Variants in TCERG1 observed in about 807,000 individuals in gnomAD.
TCERG1 encodes transcription elongation regulator 1.
A neutral mutation model predicts 144.7 loss-of-function variants in TCERG1; 37 were observed. The ratio of observed to expected loss-of-function variants is 0.26; its 90% CI spans 0.20 to 0.34. The LOEUF (loss-of-function observed/expected upper bound fraction) is 0.34. Ranked by LOEUF, TCERG1 falls within the 10% of genes least tolerant of loss-of-function variation. The pLI is 1.00. For synonymous variants in TCERG1, 492 were observed against 458.2 expected, an observed-to-expected ratio of 1.07 and a Z score of -0.94; for missense variants, 1,027 against 1,380.7, an observed-to-expected ratio of 0.74 and a Z score of 4.06.
At chr5:146,496,776 T>TA (rs1317701788) in intron 16 of TCERG1, among the ~76,000 whole-genome samples, 1 of 151,854 alleles carries the variant, frequency 6.6e-6, no homozygotes, top group Non-Finnish European at 1.5e-5. Context: ...TTCCTGGGCT[T>TA]AAGCAGTCAT....
At position 146,459,036 on chromosome 5, in the gene TCERG1, T is replaced by TCAGGCC. The variant is rs1463986452; in HGVS notation, c.597_602dup (p.Ala241_Gln242dup). On this transcript the variant is annotated inframe_insertion, in exon 4 of 23. Coordinates refer to ENST00000679501, the MANE Select transcript of TCERG1 (RefSeq NM_001382548.1). ...CGCAGGCTCAGGCCCAGGCGCAGGCTCAGGCCCAGGCACAAGCTCAGGCCC... is the reference window on the plus strand; with the variant it reads ...CGCAGGCTCAGGCCCAGGCGCAGGCTCAGGCCCAGGCCCAGGCACAAGCTCAGGCCC... 6 of 1,608,114 alleles carry TCAGGCC rather than the reference T, an allele frequency of 3.7e-6. No individual in the cohort carries two copies. The highest frequency in any genetic ancestry group is 1.1e-5 in the South Asian group (1 of 90,728).
rs190777296 is a variant in TCERG1 at position 146,480,414 on chromosome 5, C to A, written c.1886+320C>A. The A allele has an allele frequency of 3.5e-3, 633 of 181,474 alleles. 2 individuals carry two copies. Among genetic ancestry groups the A allele is most frequent in the African/African-American group, 0.014 (602 of 41,976 alleles). 11.2% of individuals were successfully genotyped at this position (181,474 alleles called of 1,614,324 possible). ...CCCTCATTTAGACCCCAATGGATAC[C>A]ATTCCAGAGATCTCATAAAAACAGA... On this transcript the variant is annotated intron_variant, in intron 12 of 22. Transcript: ENST00000679501.
chr5:146,453,884 A>G (rs549048055), intron 1 of TCERG1, among the ~76,000 whole-genome samples: 1 of 152,188 alleles, frequency 6.6e-6, no homozygotes, highest in East Asian at 1.9e-4. Context: ...TCTGAAGAAT[A>G]CACATCCCCC....
chr5:146,457,139 G>T (rs367612364), intron 2 of TCERG1, 44 bp from the exon 3 acceptor site: 1 of 1,585,676 alleles, frequency 6.3e-7, no homozygotes. Flanking sequence ...TAATTTGGAG[G>T]AAAAGTAATT....
At chr5:146,488,467 T>C (rs986574220) in intron 15 of TCERG1, among the ~76,000 whole-genome samples, 4 of 151,992 alleles carry the variant, frequency 2.6e-5, no homozygotes, top group Non-Finnish European at 1.5e-5. Flanking sequence ...CCAATAAATA[T>C]ATGAAAAAAT....
intron 2 of TCERG1, among the ~76,000 whole-genome samples, chr5:146,455,578 G>A (rs1762753625): frequency 6.6e-6 from 1 of 152,120 alleles, no homozygotes; most frequent in Admixed American, 6.5e-5. Context: ...TTCTTTATGG[G>A]AAATGAAGTT....
intron 15 of TCERG1, among the ~76,000 whole-genome samples, chr5:146,489,445 T>C (rs908546082): frequency 3.9e-5 from 6 of 152,188 alleles, no homozygotes; most frequent in African/African-American, 1.4e-4. Context: ...ATTGACAGTA[T>C]TACAGTATGG....
At chr5:146,452,694 ATTC>A (rs374643467) in intron 1 of TCERG1, among the ~76,000 whole-genome samples, 12 of 152,286 alleles carry the variant, frequency 7.9e-5, no homozygotes, top group African/African-American at 2.6e-4. Context: ...GGCTCAAGCA[ATTC>A]TTCTGCTTCC....
chr5:146,463,350 A>G (rs1763503010), intron 4 of TCERG1, among the ~76,000 whole-genome samples: 1 of 152,080 alleles, frequency 6.6e-6, no homozygotes, highest in African/African-American at 2.4e-5. Context: ...CTATATGTTT[A>G]TCCCATTTTA....
rs1010730834 is a variant in TCERG1 at position 146,455,261 on chromosome 5, A to G, written c.265A>G (p.Met89Val). 7 of 1,614,014 alleles carry G rather than the reference A, an allele frequency of 4.3e-6. No individual in the cohort carries two copies. In the African/African-American group the frequency reaches 5.3e-5, roughly 12 times the overall value. Residue 89 changes from methionine (M) to valine (V), a missense_variant, in exon 2 of 23, where the codon ATG becomes GTG. Met to Val is a conservative substitution (Grantham distance 21). Coordinates refer to ENST00000679501, the MANE Select transcript of TCERG1 (RefSeq NM_001382548.1). ...TCCTCCAGGAGGGATACCTCCACCT[A>G]TGGGCCCTCCACACCTCCAGGTAAA... is the stretch of plus-strand genomic sequence containing the variant. The part of the protein sequence containing the change: ...MPPPGGIPPP[M>V]GPPHLQRPPF...
chr5:146,501,346 G>GAT (rs3839233), intron 17 of TCERG1, among the ~76,000 whole-genome samples: 48,778 of 151,900 alleles, frequency 0.32, 8,652 homozygotes, highest in East Asian at 0.83. Context: ...TTCTCATACT[G>GAT]ATAGCCTTAG....
chr5:146,491,869 T>A (rs1019073764), intron 15 of TCERG1, among the ~76,000 whole-genome samples: 1 of 152,238 alleles, frequency 6.6e-6, no homozygotes, highest in East Asian at 1.9e-4. Flanking sequence ...GGTATAAGCA[T>A]GGCTGTTCAG....
chr5:146,484,903 T>G (rs1414904669), intron 15 of TCERG1, among the ~76,000 whole-genome samples: 1 of 152,208 alleles, frequency 6.6e-6, no homozygotes, highest in African/African-American at 2.4e-5. Flanking sequence ...TTGATCTCCT[T>G]CATTCCATCT....
At chr5:146,477,603 A>T (rs9986288) in intron 9 of TCERG1, among the ~76,000 whole-genome samples, 3 of 146,472 alleles carry the variant, frequency 2.0e-5, no homozygotes, top group East Asian at 3.9e-4. Context: ...TTTTCCTTTG[A>T]GTTTTCTAAC....
chr5:146,457,425 A>G (rs1383709103), intron 3 of TCERG1, 90 bp downstream of exon 3: 3 of 1,263,100 alleles, frequency 2.4e-6, no homozygotes, highest in African/African-American at 3.0e-5. Context: ...TGATACTGTC[A>G]TTTAAGAATG....
intron 9 of TCERG1, among the ~76,000 whole-genome samples, chr5:146,474,594 C>T (rs917055167): frequency 3.9e-5 from 6 of 152,022 alleles, no homozygotes; most frequent in African/African-American, 7.2e-5. Context: ...AAATCTTTTG[C>T]GAAAGGGGGA....
At chr5:146,454,187 G>T (rs1349210613) in intron 1 of TCERG1, among the ~76,000 whole-genome samples, 1 of 149,790 alleles carries the variant, frequency 6.7e-6, no homozygotes, top group African/African-American at 2.5e-5. Flanking sequence ...GCAAGAGAGT[G>T]AGACTTGGTC....
At chr5:146,448,027 C>A (rs569241508) in intron 1 of TCERG1, among the ~76,000 whole-genome samples, 12 of 152,316 alleles carry the variant, frequency 7.9e-5, no homozygotes, top group Admixed American at 6.5e-4. Flanking sequence ...AGGCACTTAC[C>A]GTGTGCCAGT....
intron 21 of TCERG1, 133 bp downstream of exon 21, chr5:146,508,089 T>C (rs1040487181): frequency 1.5e-5 from 8 of 525,828 alleles, no homozygotes; most frequent in African/African-American, 1.4e-4. Flanking sequence ...GAGAAGTAAA[T>C]CTGAATTTTA....
Sources: gnomAD v4.1 joint callset for allele counts (sites outside exome capture counted in the v4.1 genomes callset) on GRCh38, gnomAD v4.1.1 for gene constraint, MANE v1.5 for transcripts, NCBI Gene and HGNC (gene_info 2026-07-23, HGNC 2026-07-21) for gene names.